The following EDC3 variants were observed in gnomAD, a reference collection of about 807,000 sequenced individuals.
EDC3 encodes enhancer of mRNA-decapping protein 3.
EDC3 carries 20 observed loss-of-function variants against 41.8 expected under a neutral mutation model. That is an observed-to-expected ratio of 0.48 (90% CI 0.34 to 0.70). EDC3 has a LOEUF of 0.70. Ranked by LOEUF, EDC3 falls within the 30% of genes least tolerant of loss-of-function variation. EDC3 has a pLI of 0.01. For missense variants in EDC3, 444 were observed against 636.8 expected (o/e 0.70, Z 3.26); for synonymous variants, 206 against 243.2 (o/e 0.85, Z 1.42).
chr15:74,695,824 C>G (rs1487003221), intron 1 of EDC3, 56 bp downstream of exon 1: 1 of 153,216 alleles, frequency 6.5e-6, no homozygotes, highest in Non-Finnish European at 1.5e-5. Flanking sequence ...CTAAAGCAAC[C>G]CCGGCAGCCC....
chr15:74,676,884 A>G (rs1424327787), intron 1 of EDC3: 1 of 152,224 alleles, frequency 6.6e-6, no homozygotes, highest in East Asian at 1.9e-4. Flanking sequence ...GATGCTCTAC[A>G]TCATATCATC....
intron 4 of EDC3, among the ~76,000 whole-genome samples, chr15:74,647,859 C>G (rs1029174372): frequency 6.6e-6 from 1 of 152,226 alleles, no homozygotes; most frequent in African/African-American, 2.4e-5. Flanking sequence ...CAGAGGAGCA[C>G]AGGTTTATCC....
intron 4 of EDC3, among the ~76,000 whole-genome samples, chr15:74,648,166 A>G (rs773853792): frequency 6.6e-6 from 1 of 152,270 alleles, no homozygotes; most frequent in Non-Finnish European, 1.5e-5. Flanking sequence ...AAAATTCTTC[A>G]GTGGCACTTC....
At chr15:74,665,547 G>C (rs1424999201) in intron 3 of EDC3, among the ~76,000 whole-genome samples, 1 of 152,112 alleles carries the variant, frequency 6.6e-6, no homozygotes, top group African/African-American at 2.4e-5. Flanking sequence ...ACAAGGCTTG[G>C]TTTCCCTCTG....
At chr15:74,689,823 C>T (rs1218587991) in intron 1 of EDC3, among the ~76,000 whole-genome samples, 3 of 152,202 alleles carry the variant, frequency 2.0e-5, no homozygotes, top group Non-Finnish European at 4.4e-5. Context: ...TGCGCCCGGC[C>T]CTGCCTCCAT....
At chr15:74,654,263 A>C (rs1366346642) in intron 4 of EDC3, among the ~76,000 whole-genome samples, 1 of 151,980 alleles carries the variant, frequency 6.6e-6, no homozygotes, top group African/African-American at 2.4e-5. Context: ...CAAAAAAAAA[A>C]AAAAAAAATC....
At chr15:74,643,340 A>G (rs920120433) in intron 4 of EDC3, 1 of 152,214 alleles carries the variant, frequency 6.6e-6, no homozygotes, top group African/African-American at 2.4e-5. Context: ...TTCTTTGAGC[A>G]TTAATATGTA....
intron 1 of EDC3, among the ~76,000 whole-genome samples, chr15:74,679,489 ACG>A (rs1296521803): frequency 6.6e-6 from 1 of 152,192 alleles, no homozygotes; most frequent in African/African-American, 2.4e-5. Flanking sequence ...AAAATCATAA[ACG>A]TTATCACATC....
chr15:74,694,960 A>T (rs953551866), intron 1 of EDC3, among the ~76,000 whole-genome samples: 2 of 129,340 alleles, frequency 1.5e-5, no homozygotes, highest in Non-Finnish European at 3.2e-5. Context: ...GCCATTCATT[A>T]AAAAAAAAAA....
intron 6 of EDC3, among the ~76,000 whole-genome samples, chr15:74,634,494 C>T (rs182202820): frequency 2.0e-5 from 3 of 152,248 alleles, no homozygotes; most frequent in East Asian, 1.9e-4. Flanking sequence ...TCATATAACT[C>T]GTTCCCTATC....
intron 3 of EDC3, among the ~76,000 whole-genome samples, chr15:74,659,562 A>G (rs754172815): frequency 6.6e-6 from 1 of 151,006 alleles, no homozygotes; most frequent in Non-Finnish European, 1.5e-5. Flanking sequence ...AAGTTTATAT[A>G]AAGTGCCATA....
chr15:74,680,290 A>C (rs957757636), intron 1 of EDC3, among the ~76,000 whole-genome samples: 6 of 150,774 alleles, frequency 4.0e-5, no homozygotes, highest in Admixed American at 6.6e-5. Flanking sequence ...AAAAAGATTT[A>C]TACACCACAC....
intron 1 of EDC3, among the ~76,000 whole-genome samples, chr15:74,691,136 CAAAA>C (rs112091416): frequency 8.6e-6 from 1 of 115,614 alleles, no homozygotes; most frequent in Non-Finnish European, 1.8e-5. Flanking sequence ...GACCCTGTCT[CAAAA>C]AAAAAAAAAA....
rs1596325807 is a variant in EDC3 at position 74,674,948 on chromosome 15, T to A, written c.164+13A>T. Reference sequence around the variant, plus strand: ...ACCAGGTTGGATTCAGAAGAGTCAGTCAGGACACTCACCTGAAGGTGACTT... The same window carrying A: ...ACCAGGTTGGATTCAGAAGAGTCAGACAGGACACTCACCTGAAGGTGACTT... On this transcript the variant is annotated intron_variant, in intron 2 of 6. Transcript: ENST00000315127. 1.9e-6 allele frequency: 3 copies of A among 1,613,778 alleles called. No individual in the cohort carries two copies. The East Asian group carries it at 6.7e-5, about 36-fold the overall frequency.
intron 3 of EDC3, among the ~76,000 whole-genome samples, chr15:74,669,969 G>C (rs1184771502): frequency 2.0e-5 from 3 of 149,968 alleles, no homozygotes; most frequent in Non-Finnish European, 4.4e-5. Context: ...TCAGCCTCCT[G>C]AGTAGCTGGG....
chr15:74,656,295 A>T (rs896190071), intron 3 of EDC3, among the ~76,000 whole-genome samples: 8 of 152,036 alleles, frequency 5.3e-5, no homozygotes, highest in African/African-American at 1.7e-4. Context: ...ATAATCCCAC[A>T]TTGGGAGGCT....
At chr15:74,673,295 C>T (rs1408966101) in intron 2 of EDC3, among the ~76,000 whole-genome samples, 2 of 152,068 alleles carry the variant, frequency 1.3e-5, no homozygotes, top group Admixed American at 1.3e-4. Flanking sequence ...CGAATCCATA[C>T]GATTTTGGCA....
chr15:74,650,724 G>A (rs1202070073), intron 4 of EDC3, among the ~76,000 whole-genome samples: 2 of 152,152 alleles, frequency 1.3e-5, no homozygotes, highest in Non-Finnish European at 2.9e-5. Flanking sequence ...TAGGCCAGGC[G>A]CGGTGGCTCA....
At chr15:74,677,078 T>A (rs1360863046) in intron 1 of EDC3, 1 of 152,124 alleles carries the variant, frequency 6.6e-6, no homozygotes, top group Non-Finnish European at 1.5e-5. Flanking sequence ...TCTTTTTTTT[T>A]TTGAGATGGA....
Sources: gnomAD v4.1 joint callset for allele counts (sites outside exome capture counted in the v4.1 genomes callset) on GRCh38, gnomAD v4.1.1 for gene constraint, MANE v1.5 for transcripts, NCBI Gene and HGNC (gene_info 2026-07-23, HGNC 2026-07-21) for gene names.